CHD1: variants seen among roughly 807,000 people sequenced by gnomAD.
CHD1 encodes the protein chromodomain helicase DNA binding protein 1.
Under a neutral mutation model 224.2 loss-of-function variants are expected in CHD1, and 36 were observed. The observed-to-expected ratio is 0.16, with a 90% CI of 0.12 to 0.21. The LOEUF (loss-of-function observed/expected upper bound fraction) is 0.21. Among genes scored for constraint, CHD1 ranks in the 10% least tolerant of loss-of-function variants. The probability of loss-of-function intolerance (pLI) is 1.00; values close to 1 mark genes in which losing one functional copy is unlikely to be tolerated. For synonymous variants in CHD1, 668 were observed against 658.3 expected, an observed-to-expected ratio of 1.01 and a Z score of -0.23; for missense variants, 1,378 against 1,994.8, an observed-to-expected ratio of 0.69 and a Z score of 5.89.
At chr5:98,881,397 T>G in intron 20 of CHD1, 22 bp from the exon 21 acceptor site, 4 of 1,188,800 alleles carry the variant, frequency 3.4e-6, no homozygotes, top group Non-Finnish European at 4.7e-6. Flanking sequence ...AAAACAAAAA[T>G]GCTTAACATT....
At chr5:98,869,313 C>T (rs1248403473) in intron 30 of CHD1, 5 of 971,856 alleles carry the variant, frequency 5.1e-6, no homozygotes, top group Non-Finnish European at 6.1e-6. Context: ...TATTACTAAC[C>T]AAATTTTAAC....
At chr5:98,863,276 A>G (rs866864356) in intron 32 of CHD1, 132 bp downstream of exon 32, 5 of 479,820 alleles carry the variant, frequency 1.0e-5, no homozygotes, top group Middle Eastern at 5.5e-4. Flanking sequence ...AAAAATTAAA[A>G]CAATCATCTG....
chr5:98,881,301 T>C lies in CHD1; in HGVS notation c.2942A>G (p.Glu981Gly). The C allele has an allele frequency of 6.7e-7, 1 of 1,489,866 alleles. No homozygotes were observed. The highest frequency in any genetic ancestry group is 9.1e-7 in the Non-Finnish European group (1 of 1,098,706). 92.3% of individuals were successfully genotyped at this position (1,489,866 alleles called of 1,614,324 possible). ...TACCTGGGGCTCTTGTTCTTCTCCT[T>C]CAGGTTCCTTAAAAAGTTCTTCAGC... Reference protein sequence around the residue: ...FGAEELFKEPEGEEQEPQEMD... With the variant: ...FGAEELFKEPGGEEQEPQEMD... The change falls in exon 21 of 36, where the codon GAA (glutamate) becomes GGA (glycine). Residue 981 changes from glutamate to glycine, a missense_variant. Physicochemically the swap from Glu to Gly is moderately conservative, Grantham distance 98. Coordinates refer to ENST00000614616, the MANE Select transcript of CHD1 (RefSeq NM_001270.4).
chr5:98,915,823 A>G (rs564859712), intron 2 of CHD1, among the ~76,000 whole-genome samples: 2 of 152,342 alleles, frequency 1.3e-5, no homozygotes, highest in Non-Finnish European at 2.9e-5. Flanking sequence ...TCATTTTACT[A>G]CTGTCAGTAC....
chr5:98,866,544 T>C (rs1748883559), intron 31 of CHD1, among the ~76,000 whole-genome samples: 1 of 152,056 alleles, frequency 6.6e-6, no homozygotes. Context: ...TTTTAGAAGG[T>C]GAAATTTTCC....
chr5:98,854,357 T>C lies in CHD1; in HGVS notation c.*2023A>G, dbSNP rs1420679739. 3 of 152,070 alleles carry C rather than the reference T, an allele frequency of 2.0e-5. No homozygotes were observed. The highest frequency in any genetic ancestry group is 4.8e-5 in the African/African-American group (2 of 41,430). 9.4% of individuals were successfully genotyped at this position (152,070 alleles called of 1,614,324 possible). A position where few individuals can be genotyped will look rare whatever the true frequency, so the allele number is the denominator to read the frequency against. On this transcript the variant is annotated 3_prime_UTR_variant, in exon 36 of 36. Transcript: ENST00000614616. Reference sequence around the variant, plus strand: ...GTTCTGTGAAATTTGCACAATATAATGCAAATATCTTAGCTTTTAGTAATA... The same window carrying C: ...GTTCTGTGAAATTTGCACAATATAACGCAAATATCTTAGCTTTTAGTAATA...
At chr5:98,911,149 ATATAT>A (rs1752387781) in intron 2 of CHD1, among the ~76,000 whole-genome samples, 5 of 77,866 alleles carry the variant, frequency 6.4e-5, no homozygotes, top group African/African-American at 1.2e-4. Flanking sequence ...AAAAAAAAAT[ATATAT>A]ATATATATAT....
intron 1 of CHD1, among the ~76,000 whole-genome samples, chr5:98,927,863 C>G (rs1474891735): frequency 6.6e-6 from 1 of 152,166 alleles, no homozygotes; most frequent in Non-Finnish European, 1.5e-5. Flanking sequence ...TTTTCACAAC[C>G]CTGAGTTCTG....
chr5:98,863,876 A>G (rs1161024532), intron 31 of CHD1, among the ~76,000 whole-genome samples: 1 of 152,212 alleles, frequency 6.6e-6, no homozygotes, highest in Non-Finnish European at 1.5e-5. Flanking sequence ...ATATTGTAGC[A>G]CACTATTCTA....
intron 23 of CHD1, among the ~76,000 whole-genome samples, chr5:98,877,368 T>C (rs1284459784): frequency 6.6e-6 from 1 of 152,206 alleles, no homozygotes; most frequent in African/African-American, 2.4e-5. Flanking sequence ...TTTTAAAAAT[T>C]AGAATGATGT....
intron 11 of CHD1, 67 bp downstream of exon 11, chr5:98,897,126 T>C: frequency 6.8e-7 from 1 of 1,465,472 alleles, no homozygotes; most frequent in Non-Finnish European, 9.4e-7. Flanking sequence ...ATGGAAATCT[T>C]TTCTGAATCC....
chr5:98,899,563 T>C lies in CHD1; in HGVS notation c.1002A>G (p.Thr334=). The part of the protein sequence containing the change: ...GWSHIHNTWE[T]EETLKQQNVR... ...CATTCTGCTGCTTGAGGGTTTCTTC[T>C]GTCTCCCAAGTGTTGTGGATATGGG... The change falls in exon 8 of 36, where the codon ACA becomes ACG. Residue 334 remains threonine, a synonymous_variant. Transcript: ENST00000614616. 6 of 1,613,986 alleles carry C rather than the reference T, an allele frequency of 3.7e-6. No individual in the cohort carries two copies. Among genetic ancestry groups the C allele is most frequent in the Non-Finnish European group, 5.1e-6 (6 of 1,179,908 alleles).
chr5:98,877,492 T>C (rs1467090069), intron 23 of CHD1, among the ~76,000 whole-genome samples: 1 of 152,180 alleles, frequency 6.6e-6, no homozygotes, highest in Non-Finnish European at 1.5e-5. Context: ...AAATCAGATA[T>C]TTGAAAGAAA....
chr5:98,911,612 A>G (rs936202106), intron 2 of CHD1, among the ~76,000 whole-genome samples: 1 of 152,188 alleles, frequency 6.6e-6, no homozygotes, highest in Non-Finnish European at 1.5e-5. Flanking sequence ...ATGTAGCATC[A>G]CTAATAGGGA....
At chr5:98,901,514 C>CT (rs1751711091) in intron 5 of CHD1, among the ~76,000 whole-genome samples, 179 bp from the exon 6 acceptor site, 1 of 152,116 alleles carries the variant, frequency 6.6e-6, no homozygotes, top group Non-Finnish European at 1.5e-5. Flanking sequence ...TCTTCATAGA[C>CT]TTCTCTCACA....
rs761074031 is a variant in CHD1, at chr5:98,926,362, TTTC to T, written c.22_24del (p.Glu8del). ...GATTCTCCACTACTGTTTCTAACAC[TTTC>T]TTCATCACTGTGTCCATTCATTGTA... On this transcript the variant is annotated inframe_deletion, in exon 2 of 36. Transcript: ENST00000614616. 1.3e-5 allele frequency: 20 copies of T among 1,527,704 alleles called. No individual in the cohort carries two copies. The highest frequency in any genetic ancestry group is 1.4e-5 in the African/African-American group (1 of 70,356). The allele number at this position is 1,527,704 out of a possible 1,614,324, so 94.6% of individuals were successfully genotyped here. A position where few individuals can be genotyped will look rare whatever the true frequency, so the allele number is the denominator to read the frequency against.
intron 16 of CHD1, among the ~76,000 whole-genome samples, chr5:98,888,727 G>A (rs538150049): frequency 2.0e-5 from 3 of 152,182 alleles, no homozygotes; most frequent in Non-Finnish European, 4.4e-5. Flanking sequence ...TAAGATGTGA[G>A]GTCAAGATGT....
chr5:98,857,061 A>T (rs1748087558), intron 35 of CHD1, among the ~76,000 whole-genome samples: 1 of 152,074 alleles, frequency 6.6e-6, no homozygotes, highest in Non-Finnish European at 1.5e-5. Flanking sequence ...TAAGATTATT[A>T]CAACTATCTG....
rs469024 is a variant in CHD1, at chr5:98,869,620, G to A, written c.4107+134C>T. ...ACTATAAGTGCGTGCGCACGTGCGC[G>A]CGCACACACACACACACACACACAC... is the stretch of plus-strand genomic sequence containing the variant. On this transcript the variant is annotated intron_variant, in intron 30 of 35. Transcript: ENST00000614616. 12,124 of 753,998 alleles carry A rather than the reference G, an allele frequency of 0.016. 1,120 individuals carry two copies. In the African/African-American group the frequency reaches 0.28, roughly 17 times the overall value. 46.7% of individuals were successfully genotyped at this position (753,998 alleles called of 1,614,324 possible). A position where few individuals can be genotyped will look rare whatever the true frequency, so the allele number is the denominator to read the frequency against.
Sources: allele counts gnomAD v4.1 joint callset (sites outside exome capture counted in the v4.1 genomes callset), GRCh38; gene constraint gnomAD v4.1.1; transcripts MANE v1.5; gene names NCBI Gene and HGNC (gene_info 2026-07-23, HGNC 2026-07-21).